MEGF11: variants seen among roughly 807,000 people sequenced by gnomAD.
MEGF11 encodes the protein multiple EGF like domains 11.
In MEGF11, 126 loss-of-function variants were observed where a neutral mutation model predicts 146.6. The ratio of observed to expected loss-of-function variants is 0.86; its 90% CI spans 0.74 to 1.00. MEGF11 has a LOEUF of 1.00. Ranked by LOEUF, MEGF11 falls within the 50% of genes least tolerant of loss-of-function variation. MEGF11 has a pLI of 0.00. For synonymous variants in MEGF11, 532 were observed against 583.4 expected (o/e 0.91, Z 1.27); for missense variants, 1,509 against 1,521.2 (o/e 0.99, Z 0.13).
intron 5 of MEGF11, among the ~76,000 whole-genome samples, chr15:66,033,179 G>T (rs547602670): frequency 6.6e-6 from 1 of 151,944 alleles, no homozygotes; most frequent in African/African-American, 2.4e-5. Flanking sequence ...TTTGGAAATG[G>T]CACCTAGGTG....
At chr15:66,050,583 C>G (rs1002052474) in intron 5 of MEGF11, among the ~76,000 whole-genome samples, 1 of 152,186 alleles carries the variant, frequency 6.6e-6, no homozygotes, top group African/African-American at 2.4e-5. Context: ...CATGGGGCTT[C>G]GGCTCTTACC....
At chr15:66,171,120 G>A (rs779848677) in intron 1 of MEGF11, among the ~76,000 whole-genome samples, 55 of 152,222 alleles carry the variant, frequency 3.6e-4, no homozygotes, top group African/African-American at 8.7e-4. Context: ...TGCTGAAGAG[G>A]ACTCCTGCAT....
At chr15:66,100,783 C>T (rs2086759032) in intron 4 of MEGF11, among the ~76,000 whole-genome samples, 1 of 145,342 alleles carries the variant, frequency 6.9e-6, no homozygotes, top group South Asian at 2.2e-4. Flanking sequence ...ACAGTTCCTT[C>T]TTTCGTGGTA....
chr15:66,228,593 T>C (rs6494558), intron 1 of MEGF11, among the ~76,000 whole-genome samples: 81,999 of 151,858 alleles, frequency 0.54, 23,617 homozygotes, highest in Non-Finnish European at 0.66. Context: ...AGAGAGAAGA[T>C]GGCTCCCCAT....
intron 9 of MEGF11, among the ~76,000 whole-genome samples, chr15:65,964,241 G>T (rs1013588760): frequency 1.2e-4 from 18 of 152,170 alleles, no homozygotes; most frequent in Non-Finnish European, 2.2e-4. Flanking sequence ...GGAAGTGGGG[G>T]GTGGAGGGAC....
chr15:66,110,619 A>C (rs1021463577), intron 4 of MEGF11, among the ~76,000 whole-genome samples: 1 of 152,168 alleles, frequency 6.6e-6, no homozygotes, highest in Non-Finnish European at 1.5e-5. Flanking sequence ...AATAATAATA[A>C]ATGGTGATGG....
intron 5 of MEGF11, among the ~76,000 whole-genome samples, chr15:66,011,720 CTATTATTATTATTAT>C (rs55863629): frequency 6.7e-6 from 1 of 149,374 alleles, no homozygotes; most frequent in Non-Finnish European, 1.5e-5. Context: ...GGGAATTTAG[CTATTATTATTATTAT>C]TATTATTATT....
chr15:66,117,000 T>C (rs2087760920), intron 4 of MEGF11, among the ~76,000 whole-genome samples: 1 of 152,208 alleles, frequency 6.6e-6, no homozygotes. Flanking sequence ...TGTGTGATCT[T>C]GGGCAAATTA....
At chr15:66,072,399 C>T (rs570978175) in intron 5 of MEGF11, among the ~76,000 whole-genome samples, 96 of 152,292 alleles carry the variant, frequency 6.3e-4, no homozygotes, top group African/African-American at 2.1e-3. Flanking sequence ...TAACCCATCA[C>T]GCCCTTTTAT....
intron 5 of MEGF11, among the ~76,000 whole-genome samples, chr15:66,045,456 G>A (rs1452581003): frequency 4.6e-5 from 7 of 152,314 alleles, no homozygotes; most frequent in African/African-American, 1.4e-4. Flanking sequence ...GCCCTGAATT[G>A]CCCTGGGCAG....
At chr15:66,186,030 T>G (rs11636260) in intron 1 of MEGF11, among the ~76,000 whole-genome samples, 29,873 of 151,896 alleles carry the variant, frequency 0.2, 3,566 homozygotes, top group South Asian at 0.34. Flanking sequence ...TGGGGAGAGG[T>G]GGGGGCAGCC....
chr15:66,180,555 T>C (rs1406661289), intron 1 of MEGF11, among the ~76,000 whole-genome samples: 1 of 152,216 alleles, frequency 6.6e-6, no homozygotes, highest in Non-Finnish European at 1.5e-5. Flanking sequence ...TCCTTTTTTA[T>C]TCATTTATTT....
intron 5 of MEGF11, among the ~76,000 whole-genome samples, chr15:66,087,997 A>C (rs1166011893): frequency 2.0e-5 from 3 of 152,230 alleles, no homozygotes; most frequent in Non-Finnish European, 2.9e-5. Flanking sequence ...GAGATATTAC[A>C]ACTGACGCCA....
intron 1 of MEGF11, among the ~76,000 whole-genome samples, chr15:66,163,074 A>G (rs2089998832): frequency 6.6e-6 from 1 of 152,114 alleles, no homozygotes; most frequent in Admixed American, 6.5e-5. Context: ...GAACAAAGAG[A>G]ACGTGGAGAC....
At chr15:66,194,125 A>T (rs2140062608) in intron 1 of MEGF11, among the ~76,000 whole-genome samples, 1 of 152,364 alleles carries the variant, frequency 6.6e-6, no homozygotes, top group Admixed American at 6.5e-5. Flanking sequence ...CAATGAGTGG[A>T]TAAAGAAAAT....
At chr15:66,162,809 A>G (rs1251412443) in intron 1 of MEGF11, among the ~76,000 whole-genome samples, 2 of 152,172 alleles carry the variant, frequency 1.3e-5, no homozygotes, top group African/African-American at 4.8e-5. Flanking sequence ...CCTCAACAGG[A>G]AAGGAAAAGT....
chr15:66,160,589 G>A (rs960955843), intron 1 of MEGF11, among the ~76,000 whole-genome samples: 2 of 151,646 alleles, frequency 1.3e-5, no homozygotes, highest in Non-Finnish European at 2.9e-5. Flanking sequence ...AATTTCTAAT[G>A]TCATTCATTC....
Position 66,058,800 on chromosome 15 carries a change from G to A in MEGF11, c.394+35602C>T, listed in dbSNP as rs1216613423. ...GTGGTGATGCCTCCTTTGATGACAT[G>A]CAATGCTGTTATTTAGCTGATACAC... On this transcript the variant is annotated intron_variant, in intron 5 of 25. Coordinates refer to ENST00000395614, the MANE Select transcript of MEGF11 (RefSeq NM_001385028.1). Among the ~76,000 whole-genome samples, 6 of 152,280 alleles carry A rather than the reference G, an allele frequency of 3.9e-5. No individual in the cohort carries two copies. The East Asian group carries it at 1.2e-3, about 29-fold the overall frequency.
At chr15:66,205,271 T>C (rs1197514328) in intron 1 of MEGF11, among the ~76,000 whole-genome samples, 1 of 151,990 alleles carries the variant, frequency 6.6e-6, no homozygotes, top group East Asian at 1.9e-4. Context: ...CAAGACCCTG[T>C]CTCTATAAAA....
Sources: allele counts gnomAD v4.1 joint callset (sites outside exome capture counted in the v4.1 genomes callset), GRCh38; gene constraint gnomAD v4.1.1; transcripts MANE v1.5; gene names NCBI Gene and HGNC (gene_info 2026-07-23, HGNC 2026-07-21).